Variants in PLAA observed in about 807,000 individuals in gnomAD.
PLAA encodes the protein phospholipase A-2-activating protein.
PLAA carries 48 observed loss-of-function variants against 84.1 expected under a neutral mutation model. The observed-to-expected ratio is 0.57, with a 90% CI of 0.45 to 0.73. The LOEUF (loss-of-function observed/expected upper bound fraction) is 0.73. Among genes scored for constraint, PLAA ranks in the 30% least tolerant of loss-of-function variants. The pLI is 0.00. For synonymous variants in PLAA, 392 were observed against 336.6 expected, an observed-to-expected ratio of 1.16 and a Z score of -1.80; for missense variants, 903 against 954.7, an observed-to-expected ratio of 0.95 and a Z score of 0.71.
intron 13 of PLAA, among the ~76,000 whole-genome samples, chr9:26,906,423 CTTTTTTTTTTTTT>C (rs35324777): frequency 3.2e-5 from 3 of 95,090 alleles, no homozygotes; most frequent in African/African-American, 1.2e-4. Context: ...AGGGAAAGTT[CTTTTTTTTTTTTT>C]TTTTTTTTTT....
intron 1 of PLAA, among the ~76,000 whole-genome samples, chr9:26,941,959 T>A (rs555115503): frequency 4.3e-4 from 65 of 152,048 alleles, no homozygotes; most frequent in Non-Finnish European, 8.5e-4. Flanking sequence ...TAGACTGCCT[T>A]CCAGAAAGAA....
chr9:26,917,492 T>C (rs1334636215), intron 9 of PLAA, among the ~76,000 whole-genome samples: 1 of 152,238 alleles, frequency 6.6e-6, no homozygotes, highest in Non-Finnish European at 1.5e-5. Context: ...TCAATTCCTG[T>C]CCCTGTTCCT....
At chr9:26,931,423 T>A (rs575379703) in intron 2 of PLAA, among the ~76,000 whole-genome samples, 10 of 152,158 alleles carry the variant, frequency 6.6e-5, no homozygotes, top group Admixed American at 5.2e-4. Flanking sequence ...TACCATTATG[T>A]GAAAGGCTGA....
intron 1 of PLAA, among the ~76,000 whole-genome samples, chr9:26,936,996 C>T (rs1183633057): frequency 6.6e-6 from 1 of 152,074 alleles, no homozygotes; most frequent in Non-Finnish European, 1.5e-5. Flanking sequence ...CAAAAATTAG[C>T]TGGGCGTAGT....
intron 7 of PLAA, among the ~76,000 whole-genome samples, chr9:26,922,007 G>A (rs1406207429): frequency 1.3e-5 from 2 of 152,028 alleles, no homozygotes; most frequent in Admixed American, 6.6e-5. Context: ...TTCAAAAAAC[G>A]TCTGCCAAAT....
intron 4 of PLAA, among the ~76,000 whole-genome samples, chr9:26,927,893 G>C (rs780115968): frequency 6.6e-6 from 1 of 152,076 alleles, no homozygotes; most frequent in Admixed American, 6.5e-5. Context: ...CTATTTATCA[G>C]TCTACATTTG....
chr9:26,909,914 G>A (rs1381523466), intron 12 of PLAA, among the ~76,000 whole-genome samples: 1 of 152,324 alleles, frequency 6.6e-6, no homozygotes, highest in East Asian at 1.9e-4. Flanking sequence ...ATGAGTCACT[G>A]TACCAGGCCA....
At chr9:26,926,364 A>G in intron 5 of PLAA, 29 bp downstream of exon 5, 1 of 1,463,836 alleles carries the variant, frequency 6.8e-7, no homozygotes, top group Non-Finnish European at 9.6e-7. Context: ...AATACAAAAC[A>G]TTAAATAAAT....
Position 26,917,100 on chromosome 9 carries a change from TA to T in PLAA, c.1482del (p.Phe494LeufsTer38). The T allele has an allele frequency of 6.2e-7, 1 of 1,613,240 alleles. No individual in the cohort carries two copies. Among genetic ancestry groups the T allele is most frequent in the Non-Finnish European group, 8.5e-7 (1 of 1,179,286 alleles). ...ATGAATCAAAACTACATCCCACCTGTAAAAGGATCTGCTGTGGGTAGTGTGT... is the reference window on the plus strand; with the variant it reads ...ATGAATCAAAACTACATCCCACCTGTAAAGGATCTGCTGTGGGTAGTGTGT... ...SSNTLPTADPFTGAGRYVPGS... is the reference protein window; with the variant it reads ...SSNTLPTADPXTGAGRYVPGS... On this transcript the variant is annotated frameshift_variant, in exon 10 of 14. Transcript: ENST00000397292. LOFTEE classifies it high-confidence loss of function.
chr9:26,923,286 T>G lies in PLAA; in HGVS notation c.931A>C (p.Lys311Gln), dbSNP rs1824831116. The G allele has an allele frequency of 2.5e-6, 4 of 1,613,940 alleles. No individual in the cohort carries two copies. The highest frequency in any genetic ancestry group is 3.4e-6 in the Non-Finnish European group (4 of 1,179,826). The change falls in exon 7 of 14, where the codon AAG (lysine) becomes CAG (glutamine). Residue 311 changes from lysine (K) to glutamine (Q), a missense_variant. By Grantham distance (53) the Lys-to-Gln change is moderately conservative. Coordinates refer to ENST00000397292, the MANE Select transcript of PLAA (RefSeq NM_001031689.3). ...EDRTASAEEI[K>Q]AFEKELSHAT... ...TGAGACAGTTCTTTTTCAAAAGCCT[T>G]GATTTCTTCAGCACTTGCTGTTCGA...
chr9:26,913,206 T>C (rs370439419), intron 11 of PLAA, among the ~76,000 whole-genome samples: 11 of 152,186 alleles, frequency 7.2e-5, no homozygotes, highest in African/African-American at 1.2e-4. Context: ...AAAAAATATA[T>C]GCCAAGATAT....
At chr9:26,939,792 AAAC>A (rs1825473707) in intron 1 of PLAA, among the ~76,000 whole-genome samples, 1 of 152,112 alleles carries the variant, frequency 6.6e-6, no homozygotes, top group Non-Finnish European at 1.5e-5. Context: ...CAAAAAAAGA[AAAC>A]AAGAGACAAA....
chr9:26,917,301 A>G, intron 9 of PLAA, 136 bp from the exon 10 acceptor site: 1 of 653,110 alleles, frequency 1.5e-6, no homozygotes, highest in Non-Finnish European at 2.7e-6. Context: ...AGAATGACAG[A>G]AACTATAGTC....
intron 13 of PLAA, 64 bp from the exon 14 acceptor site, chr9:26,906,140 T>C: frequency 9.4e-7 from 1 of 1,062,200 alleles, no homozygotes; most frequent in African/African-American, 1.6e-5. Context: ...GACTATCGAC[T>C]TTGAAGGATT....
chr9:26,919,298 A>G lies in PLAA; in HGVS notation c.1417+12T>C. ...TGGAACTACATAAGACTCAATATAA[A>G]CACTAACTTACCTGTAAATGGATCT... On this transcript the variant is annotated intron_variant, in intron 9 of 13. Transcript: ENST00000397292. The G allele has an allele frequency of 1.3e-6, 2 of 1,563,956 alleles. No homozygotes were observed. The highest frequency in any genetic ancestry group is 8.8e-7 in the Non-Finnish European group (1 of 1,140,824).
At position 26,919,365 on chromosome 9, in the gene PLAA, G is replaced by A. The variant is rs1824677965; in HGVS notation, c.1362C>T (p.Asn454=). The change falls in exon 9 of 14, where the codon AAC becomes AAT. Residue 454 remains asparagine, a synonymous_variant. Transcript: ENST00000397292. ...CAAGTCCCAACATTTGACCTTTTGT[G>A]TTATCAATAATAAATTTAGCTACTT... ...LDQVAKFIID[N]TKGQMLGLGN... The A allele has an allele frequency of 6.2e-7, 1 of 1,612,582 alleles. No homozygotes were observed. Among genetic ancestry groups the A allele is most frequent in the South Asian group, 1.1e-5 (1 of 91,012 alleles).
At chr9:26,943,739 G>T (rs1348406854) in intron 1 of PLAA, among the ~76,000 whole-genome samples, 1 of 152,052 alleles carries the variant, frequency 6.6e-6, no homozygotes, top group Non-Finnish European at 1.5e-5. Context: ...TTAAGCCCAG[G>T]AGTTTGAGAC....
At chr9:26,921,438 C>T (rs539671743) in intron 7 of PLAA, among the ~76,000 whole-genome samples, 12 of 152,324 alleles carry the variant, frequency 7.9e-5, no homozygotes, top group African/African-American at 2.6e-4. Flanking sequence ...GTGATATATG[C>T]CAGTTCTGGC....
At position 26,905,567 on chromosome 9, in the gene PLAA, C is replaced by A; in HGVS notation, c.2332G>T (p.Val778Leu). Residue 778 changes from valine (V) to leucine (L), a missense_variant, in exon 14 of 14, where the codon GTA becomes TTA. Transcript: ENST00000397292. ...VDSQIKKYSS[V>L]SEPAKVSECC... The stretch of plus-strand genomic sequence containing the variant: ...TCACTTACTTTAGCTGGTTCTGATA[C>A]TGAGGAATACTTTTTTATTTGAGAA... 1 of 1,613,938 alleles carries A rather than the reference C, an allele frequency of 6.2e-7. No individual in the cohort carries two copies. Among genetic ancestry groups the A allele is most frequent in the South Asian group, 1.1e-5 (1 of 91,056 alleles).
Sources: gnomAD v4.1 joint callset for allele counts (sites outside exome capture counted in the v4.1 genomes callset) on GRCh38, gnomAD v4.1.1 for gene constraint, MANE v1.5 for transcripts, NCBI Gene and HGNC (gene_info 2026-07-23, HGNC 2026-07-21) for gene names.